The following EML4 variants were observed in gnomAD, a reference collection of about 807,000 sequenced individuals.
EML4 encodes EMAP like 4.
In EML4, 72 loss-of-function variants were observed where a neutral mutation model predicts 129.0. That is an observed-to-expected ratio of 0.56 (90% confidence interval 0.46 to 0.68). EML4 has a LOEUF of 0.68. Among genes scored for constraint, EML4 ranks in the 30% least tolerant of loss-of-function variants. The pLI is 0.00. For missense variants in EML4, 1,363 were observed against 1,190.6 expected (o/e 1.14, Z -2.13); for synonymous variants, 532 against 405.0 (o/e 1.31, Z -3.77).
At chr2:42,262,953 T>G (rs990167201) in intron 4 of EML4, among the ~76,000 whole-genome samples, 18 of 152,198 alleles carry the variant, frequency 1.2e-4, no homozygotes, top group African/African-American at 4.3e-4. Context: ...TCAGGTAATA[T>G]TTGTTCTAGT....
chr2:42,321,423 C>T (rs943559321), intron 19 of EML4, among the ~76,000 whole-genome samples: 1 of 151,980 alleles, frequency 6.6e-6, no homozygotes, highest in East Asian at 1.9e-4. Flanking sequence ...TTGAACACAT[C>T]AGGGATATGG....
chr2:42,262,795 A>C (rs1665814246), intron 4 of EML4, among the ~76,000 whole-genome samples: 1 of 152,218 alleles, frequency 6.6e-6, no homozygotes, highest in Admixed American at 6.5e-5. Context: ...TGAGGACATA[A>C]TTGCACAAAA....
Position 42,301,399 on chromosome 2 carries a change from A to T in EML4, c.1641+7A>T. 1 of 1,602,808 alleles carries T rather than the reference A, an allele frequency of 6.2e-7. No homozygotes were observed. The highest frequency in any genetic ancestry group is 8.5e-7 in the Non-Finnish European group (1 of 1,175,094). On this transcript the variant is annotated splice_region_variant and intron_variant, in intron 14 of 22. Transcript: ENST00000318522. ...TCCTGAAAGAGAAATAGAGGTAAGG[A>T]TGGAAACGGAATATAAAAATATTAA...
chr2:42,192,494 C>T (rs1671655126), intron 1 of EML4, among the ~76,000 whole-genome samples: 1 of 152,238 alleles, frequency 6.6e-6, no homozygotes, highest in East Asian at 1.9e-4. Context: ...CCTGCCTCAG[C>T]CTCCCAAAGT....
chr2:42,280,886 C>T lies in EML4; in HGVS notation c.704C>T (p.Pro235Leu). 6.2e-7 allele frequency: 1 copy of T among 1,611,610 alleles called. No homozygotes were observed. The highest frequency in any genetic ancestry group is 8.5e-7 in the Non-Finnish European group (1 of 1,178,570). ...EYIKMFMRGR[P>L]ITMFIPSDVD... ...ATTAAAATGTTTATGCGCGGTCGGC[C>T]AATTACCATGTTCATTCCTTCCGAT... The change falls in exon 7 of 23, where the codon CCA becomes CTA. Residue 235 changes from proline to leucine, a missense_variant. Coordinates refer to ENST00000318522, the MANE Select transcript of EML4 (RefSeq NM_019063.5).
chr2:42,324,630 T>C (rs996122569), intron 19 of EML4, among the ~76,000 whole-genome samples: 2 of 152,120 alleles, frequency 1.3e-5, no homozygotes, highest in Admixed American at 6.5e-5. Context: ...AAAAAAAAGT[T>C]AGTAATTGAA....
intron 1 of EML4, among the ~76,000 whole-genome samples, chr2:42,207,355 A>G (rs967050493): frequency 1.3e-5 from 2 of 152,318 alleles, no homozygotes; most frequent in African/African-American, 4.8e-5. Flanking sequence ...AAAGAATGTA[A>G]CTAGTACCTT....
chr2:42,211,904 G>T (rs1049400348), intron 1 of EML4, among the ~76,000 whole-genome samples: 16 of 152,052 alleles, frequency 1.1e-4, no homozygotes, highest in Non-Finnish European at 1.8e-4. Flanking sequence ...GAGTGCAGTG[G>T]CGCAATTTTG....
intron 1 of EML4, 187 bp downstream of exon 1, chr2:42,169,823 A>G (rs576750093): frequency 1.4e-5 from 7 of 517,326 alleles, no homozygotes; most frequent in East Asian, 3.5e-5. Context: ...CCCATGTCCA[A>G]CTCTCCTCTG....
intron 1 of EML4, among the ~76,000 whole-genome samples, chr2:42,173,118 A>G (rs1050965695): frequency 6.6e-6 from 1 of 152,246 alleles, no homozygotes; most frequent in Non-Finnish European, 1.5e-5. Flanking sequence ...GTATAGCAGT[A>G]TGCTTCAACT....
chr2:42,315,716 A>G (rs1440032164), intron 17 of EML4, among the ~76,000 whole-genome samples: 2 of 152,134 alleles, frequency 1.3e-5, no homozygotes, highest in African/African-American at 4.8e-5. Flanking sequence ...TCTAAAATCA[A>G]AAAAGAAATT....
At chr2:42,323,399 C>T (rs563815548) in intron 19 of EML4, among the ~76,000 whole-genome samples, 5 of 152,288 alleles carry the variant, frequency 3.3e-5, no homozygotes, top group African/African-American at 1.2e-4. Flanking sequence ...TGATTCCCAA[C>T]GTGTTTTCCA....
In EML4 at chr2:42,280,956, G is replaced by C. The variant is rs775107121; in HGVS notation, c.774G>C (p.Lys258Asn). The change falls in exon 7 of 23, where the codon AAG (lysine) becomes AAC (asparagine). Residue 258 changes from lysine (K) to asparagine (N), a missense_variant. Transcript: ENST00000318522. ...TCAGAACGGAACTGCCTCCTGAGAA[G>C]CTCAAACTGGAGTGGGCGTATCCTT... ...DDIRTELPPE[K>N]LKLEWAYGYR... 2.5e-6 allele frequency: 4 copies of C among 1,605,816 alleles called. No individual in the cohort carries two copies. The highest frequency in any genetic ancestry group is 1.7e-4 in the Middle Eastern group (1 of 6,022).
At chr2:42,327,890 A>G (rs1558617119) in intron 21 of EML4, among the ~76,000 whole-genome samples, 1 of 152,230 alleles carries the variant, frequency 6.6e-6, no homozygotes. Context: ...CAGCCTGATC[A>G]TAGATCTGAA....
intron 17 of EML4, among the ~76,000 whole-genome samples, chr2:42,310,667 A>G (rs1373177232): frequency 6.6e-6 from 1 of 152,222 alleles, no homozygotes; most frequent in Non-Finnish European, 1.5e-5. Flanking sequence ...TCTAATGTAT[A>G]TACTCCAGAC....
intron 1 of EML4, chr2:42,170,110 C>T (rs186001065): frequency 6.5e-6 from 1 of 154,338 alleles, no homozygotes; most frequent in Non-Finnish European, 1.4e-5. Context: ...AGGGGAGGGA[C>T]CCTCATTCCC....
chr2:42,250,355 T>A (rs1346806034), intron 2 of EML4, among the ~76,000 whole-genome samples: 2 of 152,184 alleles, frequency 1.3e-5, no homozygotes, highest in Non-Finnish European at 2.9e-5. Context: ...CTGGTCCAAA[T>A]AACATTTGGG....
intron 3 of EML4, 132 bp downstream of exon 3, chr2:42,256,762 G>C (rs1354627726): frequency 7.0e-6 from 8 of 1,147,292 alleles, no homozygotes; most frequent in Middle Eastern, 2.2e-4. Context: ...TTCTTAAACT[G>C]TGAAAGTAGA....
chr2:42,243,977 G>T (rs993885034), intron 1 of EML4, among the ~76,000 whole-genome samples: 7 of 149,428 alleles, frequency 4.7e-5, no homozygotes, highest in African/African-American at 1.7e-4. Flanking sequence ...TCTAAAACTT[G>T]CCCTCAGTGT....
Sources: allele counts gnomAD v4.1 joint callset (sites outside exome capture counted in the v4.1 genomes callset), GRCh38; gene constraint gnomAD v4.1.1; transcripts MANE v1.5; gene names NCBI Gene and HGNC (gene_info 2026-07-23, HGNC 2026-07-21).